The following WDR7 variants were observed in gnomAD, a reference collection of about 807,000 sequenced individuals.
The protein encoded by WDR7 is WD repeat-containing protein 7.
Under a neutral mutation model 169.4 loss-of-function variants are expected in WDR7, and 46 were observed. That is an observed-to-expected ratio of 0.27 (90% CI 0.21 to 0.35). The LOEUF is 0.35. Among genes scored for constraint, WDR7 ranks in the 10% least tolerant of loss-of-function variants. WDR7 has a pLI of 1.00. For missense variants in WDR7, 1,534 were observed against 1,859.3 expected (o/e 0.83, Z 3.22); for synonymous variants, 612 against 666.8 (o/e 0.92, Z 1.27).
At chr18:56,884,132 G>A (rs1463438763) in intron 21 of WDR7, among the ~76,000 whole-genome samples, 2 of 152,068 alleles carry the variant, frequency 1.3e-5, no homozygotes, top group Non-Finnish European at 2.9e-5. Context: ...TCCCAACAAT[G>A]GTGTAAAAGC....
chr18:56,800,675 T>C (rs2044657073), intron 19 of WDR7, among the ~76,000 whole-genome samples: 1 of 152,204 alleles, frequency 6.6e-6, no homozygotes, highest in South Asian at 2.1e-4. Flanking sequence ...ATATAACTTT[T>C]ATAATGCCGG....
chr18:56,984,978 T>C (rs996192501), intron 26 of WDR7, among the ~76,000 whole-genome samples: 2 of 152,178 alleles, frequency 1.3e-5, no homozygotes, highest in African/African-American at 4.8e-5. Context: ...GGAGCATTAT[T>C]GACCCATTGC....
chr18:56,730,494 T>C (rs113986272), intron 13 of WDR7, among the ~76,000 whole-genome samples: 6,002 of 152,186 alleles, frequency 0.039, 366 homozygotes, highest in African/African-American at 0.13. Context: ...AGGCCGGGCG[T>C]GGTGGCTCAT....
chr18:56,667,481 A>G (rs1028442953), intron 1 of WDR7, among the ~76,000 whole-genome samples: 1 of 152,132 alleles, frequency 6.6e-6, no homozygotes, highest in Admixed American at 6.6e-5. Flanking sequence ...GTATCTTTAC[A>G]ATGTGGCCCA....
intron 26 of WDR7, among the ~76,000 whole-genome samples, chr18:56,994,169 GCCA>G (rs1457113932): frequency 6.6e-6 from 1 of 151,824 alleles, no homozygotes; most frequent in Non-Finnish European, 1.5e-5. Context: ...ACAGGCATAC[GCCA>G]CCACGCCTGG....
intron 17 of WDR7, among the ~76,000 whole-genome samples, chr18:56,778,314 G>A (rs1181619733): frequency 1.3e-5 from 2 of 152,028 alleles, no homozygotes; most frequent in Non-Finnish European, 2.9e-5. Context: ...GAAGATTACA[G>A]TTTAGATTAT....
At chr18:56,653,034 T>G (rs1336168969) in intron 1 of WDR7, among the ~76,000 whole-genome samples, 1 of 152,132 alleles carries the variant, frequency 6.6e-6, no homozygotes, top group African/African-American at 2.4e-5. Context: ...GTAGTGAGCT[T>G]GTTTTGTGTT....
At chr18:56,653,011 G>C (rs522845) in intron 1 of WDR7, among the ~76,000 whole-genome samples, 1 of 152,040 alleles carries the variant, frequency 6.6e-6, no homozygotes, top group South Asian at 2.1e-4. Flanking sequence ...ACTTAGCATC[G>C]AAAATCTTCA....
chr18:56,697,559 C>CTGTG lies in WDR7; in HGVS notation c.1578+1098_1578+1099insGTGT, dbSNP rs893759372. Among the ~76,000 whole-genome samples, 426 of 21,710 alleles carry CTGTG rather than the reference C, an allele frequency of 0.02. 4 individuals are homozygous for CTGTG. The East Asian group carries it at 0.46, about 23-fold the overall frequency. 14.2% of individuals were successfully genotyped at this position (21,710 alleles called of 152,430 possible). ...ATTTCTTATTCACTGTGAAAAACTG[C>CTGTG]TATGTATTTAACCAATTTTATGTCA... On this transcript the variant is annotated intron_variant, in intron 12 of 27. Transcript: ENST00000254442.
chr18:56,846,012 C>T (rs2045561216), intron 20 of WDR7, among the ~76,000 whole-genome samples: 1 of 152,270 alleles, frequency 6.6e-6, no homozygotes, highest in South Asian at 2.1e-4. Context: ...AAAATGTTCT[C>T]TTCCCACGTT....
At chr18:56,885,814 G>A (rs1237411428) in intron 21 of WDR7, among the ~76,000 whole-genome samples, 5 of 145,978 alleles carry the variant, frequency 3.4e-5, no homozygotes, top group Admixed American at 6.7e-5. Context: ...GCGACAGAGC[G>A]AGACTCTGTC....
intron 14 of WDR7, among the ~76,000 whole-genome samples, chr18:56,733,606 T>C (rs2026634612): frequency 6.6e-6 from 1 of 152,182 alleles, no homozygotes; most frequent in Admixed American, 6.5e-5. Flanking sequence ...GTAACAGATA[T>C]TTTATTTTGC....
At chr18:56,851,514 T>C (rs2045640508) in intron 20 of WDR7, among the ~76,000 whole-genome samples, 1 of 152,208 alleles carries the variant, frequency 6.6e-6, no homozygotes, top group Middle Eastern at 3.2e-3. Flanking sequence ...CTTGTCTCTT[T>C]ACTTGTTCAT....
chr18:56,938,065 A>G (rs1210013050), intron 23 of WDR7, among the ~76,000 whole-genome samples: 1 of 152,036 alleles, frequency 6.6e-6, no homozygotes, highest in African/African-American at 2.4e-5. Context: ...GAGGGGGAGG[A>G]AGTGGAGGGG....
chr18:56,694,414 T>C (rs2025650860), intron 9 of WDR7, among the ~76,000 whole-genome samples: 1 of 152,236 alleles, frequency 6.6e-6, no homozygotes, highest in Non-Finnish European at 1.5e-5. Flanking sequence ...TCAATGTGTG[T>C]GTTATACTAG....
chr18:56,691,176 A>G (rs1323018715), intron 7 of WDR7, 40 bp from the exon 8 acceptor site: 1 of 1,574,700 alleles, frequency 6.4e-7, no homozygotes, highest in East Asian at 2.3e-5. Context: ...ACTTTTTACA[A>G]CAATATGGAG....
intron 26 of WDR7, among the ~76,000 whole-genome samples, chr18:57,000,779 T>C (rs1190861566): frequency 6.6e-6 from 1 of 152,228 alleles, no homozygotes; most frequent in Admixed American, 6.5e-5. Context: ...CTGTGCTGTT[T>C]ATTAAAGATA....
chr18:56,933,357 G>A (rs1433109172), intron 22 of WDR7, among the ~76,000 whole-genome samples: 1 of 152,178 alleles, frequency 6.6e-6, no homozygotes, highest in Non-Finnish European at 1.5e-5. Flanking sequence ...CACCTGTGAA[G>A]TTGGTCATTT....
At chr18:56,823,943 A>C (rs2045150857) in intron 20 of WDR7, among the ~76,000 whole-genome samples, 1 of 152,118 alleles carries the variant, frequency 6.6e-6, no homozygotes, top group Non-Finnish European at 1.5e-5. Context: ...CATGTCTTCC[A>C]TGACTCTGAG....
Sources: gnomAD v4.1 joint callset for allele counts (sites outside exome capture counted in the v4.1 genomes callset) on GRCh38, gnomAD v4.1.1 for gene constraint, MANE v1.5 for transcripts, NCBI Gene and HGNC (gene_info 2026-07-23, HGNC 2026-07-21) for gene names.